Variants in HHAT observed in about 807,000 individuals in gnomAD.
The protein encoded by HHAT is hedgehog acyltransferase, also known as protein-cysteine N-palmitoyltransferase HHAT.
A neutral mutation model predicts 70.8 loss-of-function variants in HHAT; 47 were observed. That is an observed-to-expected ratio of 0.66 (90% CI 0.53 to 0.85). HHAT has a LOEUF of 0.85. Among genes scored for constraint, HHAT ranks in the 40% least tolerant of loss-of-function variants. The pLI is 0.00. For missense variants in HHAT, 609 were observed against 604.8 expected (o/e 1.01, Z -0.07); for synonymous variants, 228 against 247.6 (o/e 0.92, Z 0.74).
At chr1:210,372,475 T>C (rs2089651271) in intron 3 of HHAT, among the ~76,000 whole-genome samples, 1 of 152,234 alleles carries the variant, frequency 6.6e-6, no homozygotes, top group South Asian at 2.1e-4. Context: ...CACCAAGTGG[T>C]ATGTTAAACA....
At chr1:210,333,959 A>G (rs1266730332) in intron 1 of HHAT, among the ~76,000 whole-genome samples, 8 of 151,890 alleles carry the variant, frequency 5.3e-5, no homozygotes, top group Non-Finnish European at 1.0e-4. Flanking sequence ...ATCTGGCTGG[A>G]ACTGCTCTTA....
At chr1:210,373,994 T>C (rs542749908) in intron 3 of HHAT, among the ~76,000 whole-genome samples, 8 of 152,370 alleles carry the variant, frequency 5.3e-5, no homozygotes, top group Non-Finnish European at 8.8e-5. Flanking sequence ...CACAGACTTT[T>C]ATCATGCAAG....
rs35946030 is a variant in HHAT at position 210,651,253 on chromosome 1, A to G, written c.1391-23035A>G. On this transcript the variant is annotated intron_variant, in intron 11 of 11. Transcript: ENST00000261458. Reference sequence around the variant, plus strand: ...AGGGGCAGTGATCAGCCTCTGGTCTACAGTTGGGAGTTAGATGGCATATCT... The same window carrying G: ...AGGGGCAGTGATCAGCCTCTGGTCTGCAGTTGGGAGTTAGATGGCATATCT... Among the ~76,000 whole-genome samples the G allele has an allele frequency of 1.6e-3, 240 of 152,330 alleles. 1 individual carries two copies. Among genetic ancestry groups the G allele is most frequent in the Non-Finnish European group, 3.1e-3 (211 of 68,034 alleles).
chr1:210,425,194 G>T (rs146360240), intron 7 of HHAT, among the ~76,000 whole-genome samples: 2 of 152,194 alleles, frequency 1.3e-5, no homozygotes, highest in Non-Finnish European at 2.9e-5. Flanking sequence ...TACTTAATGA[G>T]ATTGTTTATT....
intron 2 of HHAT, among the ~76,000 whole-genome samples, chr1:210,360,008 C>G (rs1358238505): frequency 6.6e-6 from 1 of 152,180 alleles, no homozygotes; most frequent in East Asian, 1.9e-4. Context: ...TCTGCTGTAT[C>G]TAGGCAGTGG....
At chr1:210,492,633 C>T (rs1463819248) in intron 8 of HHAT, among the ~76,000 whole-genome samples, 2 of 152,144 alleles carry the variant, frequency 1.3e-5, no homozygotes, top group Non-Finnish European at 2.9e-5. Context: ...AAAGAGCTGT[C>T]TTTGGATATA....
intron 11 of HHAT, among the ~76,000 whole-genome samples, chr1:210,636,414 G>A (rs1671869368): frequency 6.6e-6 from 1 of 152,168 alleles, no homozygotes; most frequent in African/African-American, 2.4e-5. Context: ...AGGTCCACCT[G>A]TTAGACTTAT....
At chr1:210,378,558 C>T (rs1445519678) in intron 3 of HHAT, among the ~76,000 whole-genome samples, 1 of 151,858 alleles carries the variant, frequency 6.6e-6, no homozygotes, top group Non-Finnish European at 1.5e-5. Flanking sequence ...AATTGATATA[C>T]AATAGTTGTA....
intron 7 of HHAT, among the ~76,000 whole-genome samples, chr1:210,437,119 C>T (rs2093396420): frequency 6.6e-6 from 1 of 151,842 alleles, no homozygotes; most frequent in Admixed American, 6.6e-5. Flanking sequence ...ATGGAGTTTG[C>T]TGGCTCAGAG....
intron 3 of HHAT, among the ~76,000 whole-genome samples, chr1:210,380,536 T>C (rs2090551871): frequency 6.6e-6 from 1 of 151,946 alleles, no homozygotes; most frequent in African/African-American, 2.4e-5. Context: ...CAAGACTCTG[T>C]CGCAAAAAAT....
intron 3 of HHAT, among the ~76,000 whole-genome samples, chr1:210,365,309 GTTTTTTTTTTTTTT>G (rs4027290): frequency 2.6e-5 from 2 of 78,420 alleles, no homozygotes; most frequent in Admixed American, 3.9e-4. Flanking sequence ...ACTGCTGACA[GTTTTTTTTTTTTTT>G]TTTTTTTTTT....
chr1:210,332,911 A>G (rs1420155065), intron 1 of HHAT, among the ~76,000 whole-genome samples: 1 of 152,204 alleles, frequency 6.6e-6, no homozygotes, highest in Admixed American at 6.5e-5. Context: ...TTTTCAAAGA[A>G]GCTTACCAGT....
At chr1:210,608,877 A>G (rs891589496) in intron 10 of HHAT, among the ~76,000 whole-genome samples, 3 of 152,136 alleles carry the variant, frequency 2.0e-5, no homozygotes, top group Non-Finnish European at 2.9e-5. Context: ...ACAGTTCAAC[A>G]TGGCTGGGGA....
rs376649687 is a variant in HHAT at position 210,336,544 on chromosome 1, G to A, written c.-44+7440G>A. ...CATTCCTGTAATCCCAGCACTTTGG[G>A]AGGCTGAGGAGGGAGGATCACTTGA... On this transcript the variant is annotated intron_variant, in intron 1 of 11. Transcript: ENST00000261458. 9.4e-4 allele frequency among the ~76,000 whole-genome samples: 143 copies of A among 152,178 alleles called. 1 individual carries two copies. Among genetic ancestry groups the A allele is most frequent in the South Asian group, 4.2e-3 (20 of 4,810 alleles).
chr1:210,523,221 C>A (rs2095187938), intron 9 of HHAT, among the ~76,000 whole-genome samples: 1 of 152,154 alleles, frequency 6.6e-6, no homozygotes, highest in African/African-American at 2.4e-5. Context: ...CATCTCATCT[C>A]ACCATTATTC....
At chr1:210,409,400 G>C (rs2092449712) in intron 6 of HHAT, among the ~76,000 whole-genome samples, 1 of 152,142 alleles carries the variant, frequency 6.6e-6, no homozygotes, top group Non-Finnish European at 1.5e-5. Context: ...TACCAGCCTT[G>C]GTGGCAGCAA....
chr1:210,392,956 G>A (rs948578459), intron 4 of HHAT, among the ~76,000 whole-genome samples: 7 of 152,060 alleles, frequency 4.6e-5, no homozygotes, highest in Non-Finnish European at 7.3e-5. Context: ...GGATATAGAT[G>A]TCCCTTCATT....
chr1:210,387,104 T>A (rs1432451046), intron 3 of HHAT, among the ~76,000 whole-genome samples: 2 of 152,176 alleles, frequency 1.3e-5, no homozygotes, highest in Admixed American at 1.3e-4. Flanking sequence ...TGAATTGAGT[T>A]CCTTACGTCT....
chr1:210,384,404 A>C (rs1291426783), intron 3 of HHAT, among the ~76,000 whole-genome samples: 1 of 152,184 alleles, frequency 6.6e-6, no homozygotes, highest in African/African-American at 2.4e-5. Flanking sequence ...GTTTATGAAC[A>C]TTCAGCTGTA....
Sources: gnomAD v4.1 joint callset for allele counts (sites outside exome capture counted in the v4.1 genomes callset) on GRCh38, gnomAD v4.1.1 for gene constraint, MANE v1.5 for transcripts, NCBI Gene and HGNC (gene_info 2026-07-23, HGNC 2026-07-21) for gene names.